Variants in LRMDA observed in about 807,000 individuals in gnomAD.
The protein encoded by LRMDA is leucine-rich melanocyte differentiation-associated protein.
Under a neutral mutation model 29.8 loss-of-function variants are expected in LRMDA, and 18 were observed. The ratio of observed to expected loss-of-function variants is 0.60; its 90% CI spans 0.42 to 0.90. The LOEUF is 0.90. Among genes scored for constraint, LRMDA ranks in the 40% least tolerant of loss-of-function variants. LRMDA has a pLI of 0.00. For missense variants in LRMDA, 273 were observed against 273.9 expected (o/e 1.00, Z 0.02); for synonymous variants, 125 against 109.4 (o/e 1.14, Z -0.89).
At chr10:76,152,451 T>G (rs1285857265) in intron 5 of LRMDA, among the ~76,000 whole-genome samples, 1 of 152,228 alleles carries the variant, frequency 6.6e-6, no homozygotes, top group Admixed American at 6.5e-5. Flanking sequence ...ATTTCTACAT[T>G]TTGGCTATGA....
At chr10:76,145,632 G>A (rs1001111506) in intron 5 of LRMDA, among the ~76,000 whole-genome samples, 10 of 151,798 alleles carry the variant, frequency 6.6e-5, no homozygotes, top group East Asian at 5.8e-4. Context: ...TGATCTTTTC[G>A]AAAAACCAGC....
intron 5 of LRMDA, among the ~76,000 whole-genome samples, chr10:76,323,155 A>T (rs540432725): frequency 1.3e-5 from 2 of 152,172 alleles, no homozygotes; most frequent in South Asian, 2.1e-4. Flanking sequence ...GCTACCTGAA[A>T]ACTGTTTTCT....
intron 5 of LRMDA, among the ~76,000 whole-genome samples, chr10:76,322,934 A>C (rs1358339624): frequency 6.6e-6 from 1 of 152,198 alleles, no homozygotes; most frequent in Non-Finnish European, 1.5e-5. Flanking sequence ...GGAGACCTTG[A>C]ATACCCAATA....
At chr10:75,637,104 G>T (rs1297734160) in intron 2 of LRMDA, among the ~76,000 whole-genome samples, 6 of 152,234 alleles carry the variant, frequency 3.9e-5, no homozygotes, top group Non-Finnish European at 1.5e-5. Flanking sequence ...AACTGGTAGA[G>T]TGGAGATTTG....
At chr10:76,481,323 G>A (rs1270595898) in intron 6 of LRMDA, among the ~76,000 whole-genome samples, 1 of 151,372 alleles carries the variant, frequency 6.6e-6, no homozygotes, top group African/African-American at 2.4e-5. Flanking sequence ...CTCTGCAATG[G>A]GCCTGAAATG....
At chr10:75,818,431 T>C (rs370711687) in intron 2 of LRMDA, among the ~76,000 whole-genome samples, 1 of 152,356 alleles carries the variant, frequency 6.6e-6, no homozygotes, top group East Asian at 1.9e-4. Context: ...GTAGATCATG[T>C]CATTCTCACT....
At chr10:75,937,275 A>G (rs1254403408) in intron 2 of LRMDA, among the ~76,000 whole-genome samples, 2 of 152,220 alleles carry the variant, frequency 1.3e-5, no homozygotes, top group Non-Finnish European at 2.9e-5. Flanking sequence ...TCCACCCTAA[A>G]TGAAAAATGA....
intron 2 of LRMDA, among the ~76,000 whole-genome samples, chr10:76,010,405 C>G (rs764742158): frequency 1.3e-5 from 2 of 151,868 alleles, no homozygotes; most frequent in African/African-American, 4.8e-5. Context: ...CTCCGCCTCC[C>G]GAGTTCAAGC....
At chr10:75,771,448 C>T (rs1481178672) in intron 2 of LRMDA, among the ~76,000 whole-genome samples, 1 of 152,168 alleles carries the variant, frequency 6.6e-6, no homozygotes, top group Non-Finnish European at 1.5e-5. Flanking sequence ...TGGGGAGGAA[C>T]ATTCCCGAGA....
chr10:76,281,359 T>C (rs1188096119), intron 5 of LRMDA, among the ~76,000 whole-genome samples: 1 of 152,128 alleles, frequency 6.6e-6, no homozygotes, highest in Non-Finnish European at 1.5e-5. Flanking sequence ...AGGTTGAGAA[T>C]AGGGAACAGT....
chr10:75,467,956 T>TCACACACACACACA (rs61295526), intron 2 of LRMDA, among the ~76,000 whole-genome samples: 56 of 130,058 alleles, frequency 4.3e-4, no homozygotes, highest in East Asian at 6.9e-4. Flanking sequence ...TGAGACTCCG[T>TCACACACACACACA]CACACACACA....
At chr10:75,451,893 A>AT (rs1438130528) in intron 2 of LRMDA, among the ~76,000 whole-genome samples, 2 of 147,726 alleles carry the variant, frequency 1.4e-5, no homozygotes, top group Non-Finnish European at 3.0e-5. Flanking sequence ...AAAAAAAAGC[A>AT]TTTTTTTGGT....
At chr10:76,063,025 T>C (rs1336560445) in intron 5 of LRMDA, among the ~76,000 whole-genome samples, 1 of 152,218 alleles carries the variant, frequency 6.6e-6, no homozygotes, top group Non-Finnish European at 1.5e-5. Context: ...ATGTCCTGAC[T>C]TTGTAATTAT....
chr10:76,264,599 C>A (rs760849336), intron 5 of LRMDA, among the ~76,000 whole-genome samples: 1 of 152,060 alleles, frequency 6.6e-6, no homozygotes, highest in Non-Finnish European at 1.5e-5. Flanking sequence ...AGATTTTGCT[C>A]TCTTAAATTC....
At chr10:76,218,302 T>A (rs1335179337) in intron 5 of LRMDA, among the ~76,000 whole-genome samples, 2 of 152,182 alleles carry the variant, frequency 1.3e-5, no homozygotes, top group Non-Finnish European at 2.9e-5. Flanking sequence ...GACTGTCTGC[T>A]GAGTGCAGGA....
intron 2 of LRMDA, among the ~76,000 whole-genome samples, chr10:75,767,252 TC>T (rs1331614440): frequency 6.6e-6 from 1 of 152,202 alleles, no homozygotes. Context: ...TAATTTACAC[TC>T]CTACCAACAG....
chr10:76,343,975 G>T (rs567570729), intron 6 of LRMDA, among the ~76,000 whole-genome samples: 12 of 151,814 alleles, frequency 7.9e-5, no homozygotes, highest in Non-Finnish European at 1.3e-4. Context: ...GTGCCACCAC[G>T]CCTGGCTAAT....
intron 2 of LRMDA, among the ~76,000 whole-genome samples, chr10:75,592,548 C>T (rs1024278911): frequency 2.6e-5 from 4 of 152,166 alleles, no homozygotes; most frequent in Admixed American, 2.6e-4. Context: ...AGGGTCACCT[C>T]CTTTGATATT....
At chr10:75,755,915 TG>T (rs950521356) in intron 2 of LRMDA, among the ~76,000 whole-genome samples, 2 of 152,296 alleles carry the variant, frequency 1.3e-5, no homozygotes, top group African/African-American at 4.8e-5. Flanking sequence ...GGGTTTTAAG[TG>T]GGGCTATGGC....
Sources: gnomAD v4.1 joint callset for allele counts (sites outside exome capture counted in the v4.1 genomes callset) on GRCh38, gnomAD v4.1.1 for gene constraint, MANE v1.5 for transcripts, NCBI Gene and HGNC (gene_info 2026-07-23, HGNC 2026-07-21) for gene names.